Variants in CSMD1 observed in about 807,000 individuals in gnomAD.
The protein encoded by CSMD1 is CUB and sushi domain-containing protein 1.
CSMD1 carries 213 observed loss-of-function variants against 417.5 expected under a neutral mutation model. That is an observed-to-expected ratio of 0.51 (90% CI 0.46 to 0.57). The LOEUF is 0.57. Ranked by LOEUF, CSMD1 falls within the 20% of genes least tolerant of loss-of-function variation. The probability of loss-of-function intolerance (pLI) is 0.00; values close to 1 mark genes in which losing one functional copy is unlikely to be tolerated. For synonymous variants in CSMD1, 2,862 were observed against 1,736.8 expected (o/e 1.65, Z -16.11); for missense variants, 6,923 against 4,529.7 (o/e 1.53, Z -15.17).
At position 3,802,179 on chromosome 8, in the gene CSMD1, G is replaced by T. The variant is rs761954818; in HGVS notation, c.819-48137C>A. Among the ~76,000 whole-genome samples, 7 of 152,096 alleles carry T rather than the reference G, an allele frequency of 4.6e-5. No homozygotes were observed. The South Asian group carries it at 8.3e-4, about 18-fold the overall frequency. On this transcript the variant is annotated intron_variant, in intron 5 of 69. Transcript: ENST00000635120. ...AAAAAATAATTACTATGACAATAAA[G>T]AAAGACATTAAAGAAGGGCTTATCA...
At chr8:3,618,722 C>A (rs1337252861) in intron 7 of CSMD1, among the ~76,000 whole-genome samples, 4 of 152,070 alleles carry the variant, frequency 2.6e-5, no homozygotes, top group African/African-American at 9.7e-5. Flanking sequence ...GTAAAAAAAT[C>A]TGTAACAACC....
intron 3 of CSMD1, among the ~76,000 whole-genome samples, chr8:4,286,391 A>C (rs1445979861): frequency 1.3e-5 from 2 of 152,122 alleles, no homozygotes; most frequent in Non-Finnish European, 2.9e-5. Context: ...GTCCTTCACC[A>C]AGGGCTTCAG....
chr8:4,297,994 T>C (rs1329844707), intron 3 of CSMD1, among the ~76,000 whole-genome samples: 1 of 152,152 alleles, frequency 6.6e-6, no homozygotes, highest in Non-Finnish European at 1.5e-5. Flanking sequence ...GGTGCTAAAA[T>C]GTAGCAAACG....
intron 3 of CSMD1, among the ~76,000 whole-genome samples, chr8:4,143,431 G>A (rs573027914): frequency 2.7e-5 from 4 of 149,732 alleles, no homozygotes; most frequent in African/African-American, 7.6e-5. Flanking sequence ...CTGAAAGTTC[G>A]GATACCTTTG....
At chr8:3,595,945 T>C (rs560804791) in intron 8 of CSMD1, among the ~76,000 whole-genome samples, 2 of 152,306 alleles carry the variant, frequency 1.3e-5, no homozygotes, top group Admixed American at 1.3e-4. Context: ...TCTCCCATCT[T>C]CTTCTCTTTT....
At chr8:4,702,889 G>C (rs983648544) in intron 1 of CSMD1, among the ~76,000 whole-genome samples, 1 of 152,070 alleles carries the variant, frequency 6.6e-6, no homozygotes, top group Non-Finnish European at 1.5e-5. Flanking sequence ...TCTCTAAAAA[G>C]TTAATTATGA....
intron 1 of CSMD1, among the ~76,000 whole-genome samples, chr8:4,959,035 T>C (rs763394706): frequency 1.3e-5 from 2 of 152,202 alleles, no homozygotes; most frequent in African/African-American, 4.8e-5. Context: ...TATCAAGCCA[T>C]GCTATATAGT....
intron 10 of CSMD1, among the ~76,000 whole-genome samples, chr8:3,498,671 T>C (rs1796467163): frequency 6.6e-6 from 1 of 152,238 alleles, no homozygotes; most frequent in African/African-American, 2.4e-5. Flanking sequence ...CCACACATTT[T>C]GTAGGCATTC....
intron 2 of CSMD1, among the ~76,000 whole-genome samples, chr8:4,446,644 C>T (rs1413820973): frequency 6.6e-6 from 1 of 152,110 alleles, no homozygotes; most frequent in Non-Finnish European, 1.5e-5. Flanking sequence ...AACTCTGCCT[C>T]CTAGATTTGA....
At chr8:4,710,904 C>G in intron 1 of CSMD1, among the ~76,000 whole-genome samples, 1 of 151,674 alleles carries the variant, frequency 6.6e-6, no homozygotes, top group East Asian at 1.9e-4. Flanking sequence ...ACTTACATAA[C>G]TAGAAAATGG....
intron 2 of CSMD1, among the ~76,000 whole-genome samples, chr8:4,473,103 G>T (rs965629065): frequency 1.3e-5 from 2 of 152,036 alleles, no homozygotes; most frequent in East Asian, 3.9e-4. Context: ...TTCTCTACTT[G>T]TGTTTGAATT....
intron 3 of CSMD1, among the ~76,000 whole-genome samples, chr8:4,299,266 T>A (rs529507984): frequency 1.3e-5 from 2 of 152,272 alleles, no homozygotes; most frequent in East Asian, 3.9e-4. Context: ...TTTAAAACCG[T>A]CGGATAAGAT....
At chr8:3,664,273 A>C (rs1334718569) in intron 7 of CSMD1, among the ~76,000 whole-genome samples, 4 of 152,088 alleles carry the variant, frequency 2.6e-5, no homozygotes, top group Non-Finnish European at 4.4e-5. Context: ...TATGAGAGAG[A>C]ACATGCGGTG....
intron 5 of CSMD1, among the ~76,000 whole-genome samples, chr8:3,955,767 C>A (rs1811898484): frequency 6.6e-6 from 1 of 152,160 alleles, no homozygotes; most frequent in Admixed American, 6.5e-5. Context: ...ACATAGAAAC[C>A]CAGTGAATTA....
At chr8:3,452,439 T>A (rs949275331) in intron 12 of CSMD1, among the ~76,000 whole-genome samples, 6 of 152,208 alleles carry the variant, frequency 3.9e-5, no homozygotes, top group African/African-American at 1.2e-4. Context: ...TTCAGTATGA[T>A]ATTGGCTGTG....
chr8:3,562,745 T>A (rs1585373123), intron 10 of CSMD1, among the ~76,000 whole-genome samples: 1 of 133,954 alleles, frequency 7.5e-6, no homozygotes, highest in Non-Finnish European at 1.6e-5. Flanking sequence ...TGGTTAAAAA[T>A]AATAATAATA....
intron 1 of CSMD1, among the ~76,000 whole-genome samples, chr8:4,815,007 T>C (rs1324116058): frequency 6.6e-6 from 1 of 152,174 alleles, no homozygotes; most frequent in Non-Finnish European, 1.5e-5. Flanking sequence ...TTTAAATTTA[T>C]TAATTATATA....
chr8:4,677,428 C>G (rs765792972), intron 1 of CSMD1, among the ~76,000 whole-genome samples: 6 of 151,972 alleles, frequency 3.9e-5, no homozygotes, highest in Non-Finnish European at 8.8e-5. Flanking sequence ...CTCTCTCTCT[C>G]GTTCTCTCTC....
chr8:3,964,701 T>A lies in CSMD1; in HGVS notation c.818+33202A>T, dbSNP rs551993943. Among the ~76,000 whole-genome samples the A allele has an allele frequency of 1.8e-3, 274 of 152,346 alleles. 2 individuals carry two copies. Among genetic ancestry groups the A allele is most frequent in the African/African-American group, 6.4e-3 (268 of 41,582 alleles). On this transcript the variant is annotated intron_variant, in intron 5 of 69. Transcript: ENST00000635120. ...TTTTAAATGGACCATAGTTATTAAA[T>A]AAACGCTTCAAAATCCATTGCAATG...
Sources: gnomAD v4.1 joint callset for allele counts (sites outside exome capture counted in the v4.1 genomes callset) on GRCh38, gnomAD v4.1.1 for gene constraint, MANE v1.5 for transcripts, NCBI Gene and HGNC (gene_info 2026-07-23, HGNC 2026-07-21) for gene names.